The following THRB variants were observed in gnomAD, a reference collection of about 807,000 sequenced individuals.
The protein encoded by THRB is thyroid hormone receptor beta, also known as nuclear receptor subfamily 1 group A member 2.
Under a neutral mutation model 47.8 loss-of-function variants are expected in THRB, and 12 were observed. The observed-to-expected ratio is 0.25, with a 90% CI of 0.16 to 0.41. The LOEUF (loss-of-function observed/expected upper bound fraction) is 0.41. Among genes scored for constraint, THRB ranks in the 10% least tolerant of loss-of-function variants. The pLI, the probability that THRB is intolerant of heterozygous loss-of-function variation, is 1.00. For synonymous variants in THRB, 218 were observed against 212.2 expected, an observed-to-expected ratio of 1.03 and a Z score of -0.24; for missense variants, 348 against 589.2, an observed-to-expected ratio of 0.59 and a Z score of 4.24.
intron 2 of THRB, among the ~76,000 whole-genome samples, chr3:24,310,318 T>C (rs567166378): frequency 6.6e-6 from 1 of 152,292 alleles, no homozygotes; most frequent in South Asian, 2.1e-4. Flanking sequence ...TTTTTAAAAA[T>C]AAAATGATGT....
At chr3:24,185,883 T>C (rs139578825) in intron 5 of THRB, among the ~76,000 whole-genome samples, 62 of 152,028 alleles carry the variant, frequency 4.1e-4, no homozygotes, top group Admixed American at 3.1e-3. Context: ...CAGGGGAGGA[T>C]CAGGGCCCCA....
chr3:24,121,078 T>C lies in THRB; in HGVS notation c.*1806A>G, dbSNP rs2031597056. 6.6e-6 allele frequency: 1 copy of C among 152,182 alleles called. No homozygotes were observed. Among genetic ancestry groups the C allele is most frequent in the Non-Finnish European group, 1.5e-5 (1 of 68,030 alleles). 9.4% of individuals were successfully genotyped at this position (152,182 alleles called of 1,614,324 possible). A position where few individuals can be genotyped will look rare whatever the true frequency, so the allele number is the denominator to read the frequency against. ...TTAACTGTTAAGTGGGCCATACTTC[T>C]TGTCTAATAAAGTTAGGAATTTAAG... On this transcript the variant is annotated 3_prime_UTR_variant, in exon 11 of 11. Coordinates refer to ENST00000646209, the MANE Select transcript of THRB (RefSeq NM_001354712.2).
intron 6 of THRB, 141 bp downstream of exon 6, chr3:24,152,249 C>T: frequency 5.0e-6 from 3 of 595,668 alleles, no homozygotes; most frequent in Middle Eastern, 4.4e-4. Flanking sequence ...AGAGCACAAC[C>T]AGACACCTGG....
intron 4 of THRB, among the ~76,000 whole-genome samples, chr3:24,198,276 G>C (rs373765284): frequency 7.2e-5 from 11 of 152,162 alleles, no homozygotes; most frequent in Non-Finnish European, 1.3e-4. Flanking sequence ...TGTTTCTAAA[G>C]GAAATCTGCT....
chr3:24,334,219 T>TTGA (rs149838165), intron 2 of THRB, among the ~76,000 whole-genome samples: 4,259 of 152,308 alleles, frequency 0.028, 61 homozygotes, highest in Middle Eastern at 0.041. Context: ...TTCATAGTTC[T>TTGA]TGCCCGTTGA....
At chr3:24,382,673 A>G (rs2065804823) in intron 1 of THRB, among the ~76,000 whole-genome samples, 1 of 152,174 alleles carries the variant, frequency 6.6e-6, no homozygotes, top group Non-Finnish European at 1.5e-5. Context: ...AGAAAAACAG[A>G]GAGAAGCCAT....
intron 1 of THRB, among the ~76,000 whole-genome samples, chr3:24,376,761 A>T (rs937884052): frequency 4.6e-5 from 7 of 152,176 alleles, no homozygotes; most frequent in Admixed American, 1.3e-4. Context: ...TCTGCCAGAA[A>T]ATTAAATGCC....
chr3:24,201,313 A>G lies in THRB; in HGVS notation c.23-10979T>C, dbSNP rs150519424. Among the ~76,000 whole-genome samples the G allele has an allele frequency of 1.7e-3, 263 of 152,078 alleles. 4 individuals are homozygous for G. The highest frequency in any genetic ancestry group is 4.3e-3 in the Admixed American group (65 of 15,270). ...GCTTGATCTCTACTGCTTGATCTCT[A>G]CTTGGGTCAGGTGTGCCCCCTGCCT... On this transcript the variant is annotated intron_variant, in intron 4 of 10. Coordinates refer to ENST00000646209, the MANE Select transcript of THRB (RefSeq NM_001354712.2).
chr3:24,477,672 T>C (rs1577877503), intron 1 of THRB, among the ~76,000 whole-genome samples: 1 of 151,910 alleles, frequency 6.6e-6, no homozygotes, highest in African/African-American at 2.4e-5. Context: ...TAGCTAACGC[T>C]GCCAAAGCAA....
intron 1 of THRB, among the ~76,000 whole-genome samples, chr3:24,401,730 A>G (rs2067416200): frequency 1.3e-5 from 2 of 152,008 alleles, no homozygotes; most frequent in Admixed American, 1.3e-4. Flanking sequence ...GCGCTACTTC[A>G]GTGTGGTCCC....
intron 2 of THRB, among the ~76,000 whole-genome samples, chr3:24,299,779 TTATTTATTTA>T (rs80228382): frequency 0.41 from 31,854 of 77,852 alleles, 8,718 homozygotes; most frequent in East Asian, 0.53. Flanking sequence ...TTTTATTTAT[TTATTTATTTA>T]TTTTTTTTTT....
intron 3 of THRB, among the ~76,000 whole-genome samples, chr3:24,239,281 C>T (rs1304801711): frequency 6.6e-6 from 1 of 152,000 alleles, no homozygotes; most frequent in Non-Finnish European, 1.5e-5. Flanking sequence ...GGTAAAGGTT[C>T]TGTTGGCTCT....
chr3:24,190,231 A>C lies in THRB; in HGVS notation c.126T>G (p.His42Gln). The C allele has an allele frequency of 6.2e-7, 1 of 1,614,046 alleles. No individual in the cohort carries two copies. The highest frequency in any genetic ancestry group is 1.1e-5 in the South Asian group (1 of 91,058). The change falls in exon 5 of 11, where the codon CAT (histidine) becomes CAG (glutamine). Residue 42 changes from histidine (H) to glutamine (Q), a missense_variant. This residue lies in a region of THRB where 148 missense variants were observed against 122.3 expected (regional missense o/e 1.21). Coordinates refer to ENST00000646209, the MANE Select transcript of THRB (RefSeq NM_001354712.2). ...MSEACLHRKS[H>Q]SERRSTLKNE... ...TTTTCAACGTGCTGCGCCTCTCTGAATGGCTCTTCCTATGTAGGCAGGCTT... is the reference window on the plus strand; with the variant it reads ...TTTTCAACGTGCTGCGCCTCTCTGACTGGCTCTTCCTATGTAGGCAGGCTT...
chr3:24,128,028 C>T (rs147331354), intron 9 of THRB, among the ~76,000 whole-genome samples: 59 of 152,240 alleles, frequency 3.9e-4, no homozygotes, highest in African/African-American at 1.3e-3. Flanking sequence ...CTATTACAGT[C>T]GTGTGTGAAA....
chr3:24,230,952 C>A (rs1369785905), intron 3 of THRB, among the ~76,000 whole-genome samples: 2 of 152,130 alleles, frequency 1.3e-5, no homozygotes, highest in Non-Finnish European at 2.9e-5. Flanking sequence ...GGAAAAAGTC[C>A]ATTTGAAGGT....
At chr3:24,197,188 C>T (rs1319291971) in intron 4 of THRB, among the ~76,000 whole-genome samples, 1 of 152,194 alleles carries the variant, frequency 6.6e-6, no homozygotes, top group Non-Finnish European at 1.5e-5. Context: ...AATTCATGCC[C>T]AGTTTCTTAT....
At chr3:24,315,290 G>A (rs1466285616) in intron 2 of THRB, among the ~76,000 whole-genome samples, 1 of 152,166 alleles carries the variant, frequency 6.6e-6, no homozygotes, top group African/African-American at 2.4e-5. Context: ...TGCCGACATC[G>A]CTACATCCTC....
chr3:24,226,694 G>T (rs550345978), intron 4 of THRB, among the ~76,000 whole-genome samples: 16 of 152,256 alleles, frequency 1.1e-4, no homozygotes, highest in African/African-American at 3.9e-4. Flanking sequence ...TGGGGGCTCT[G>T]CTCAGTAATG....
At chr3:24,323,746 TTATCTAAATAGGA>T (rs2058638631) in intron 2 of THRB, among the ~76,000 whole-genome samples, 1 of 152,200 alleles carries the variant, frequency 6.6e-6, no homozygotes, top group African/African-American at 2.4e-5. Context: ...TTGTAGAAAT[TTATCTAAATAGGA>T]GGATTTAGAA....
Sources: allele counts gnomAD v4.1 joint callset (sites outside exome capture counted in the v4.1 genomes callset), GRCh38; gene constraint gnomAD v4.1.1; regional missense constraint gnomAD v4.1.1; transcripts MANE v1.5; gene names NCBI Gene and HGNC (gene_info 2026-07-23, HGNC 2026-07-21).